Variants in BRD4 observed in about 807,000 individuals in gnomAD.
BRD4 encodes the protein bromodomain-containing protein 4.
In BRD4, 16 loss-of-function variants were observed where a neutral mutation model predicts 142.1. The ratio of observed to expected loss-of-function variants is 0.11; its 90% CI spans 0.08 to 0.17. The LOEUF (loss-of-function observed/expected upper bound fraction) is 0.17. Ranked by LOEUF, BRD4 falls within the 10% of genes least tolerant of loss-of-function variation. BRD4 has a pLI of 1.00. For missense variants in BRD4, 1,424 were observed against 1,810.9 expected, an observed-to-expected ratio of 0.79 and a Z score of 3.88; for synonymous variants, 833 against 707.5, an observed-to-expected ratio of 1.18 and a Z score of -2.82.
At chr19:15,255,143 C>T (rs969988792) in intron 10 of BRD4, among the ~76,000 whole-genome samples, 154 bp downstream of exon 10, 1 of 148,184 alleles carries the variant, frequency 6.7e-6, no homozygotes, top group Non-Finnish European at 1.5e-5. Context: ...TGCAATGTCA[C>T]AACCTTTCGG....
At chr19:15,283,975 G>A (rs768259870) in intron 1 of BRD4, among the ~76,000 whole-genome samples, 7 of 152,134 alleles carry the variant, frequency 4.6e-5, no homozygotes, top group Non-Finnish European at 8.8e-5. Flanking sequence ...ATGGGCACGA[G>A]GAGAGATGGA....
At chr19:15,278,541 G>A (rs904314121) in intron 1 of BRD4, among the ~76,000 whole-genome samples, 3 of 33,350 alleles carry the variant, frequency 9.0e-5, no homozygotes, top group Non-Finnish European at 1.6e-4. Flanking sequence ...CCCAACCCCC[G>A]CCAAAAAAAA....
Position 15,331,953 on chromosome 19 carries a change from CCCCCGACCGCCGG to C in BRD4, c.-35+324_-35+336del, listed in dbSNP as rs2048164771. On this transcript the variant is annotated intron_variant, in intron 1 of 19. Transcript: ENST00000679869. ...GGCGCCTCGGCCCGCCCCCCGCCCG[CCCCCGACCGCCGG>C]CCCCGCCGCGGCGCCCGCGCCCCCC... The C allele has an allele frequency of 2.1e-4, 29 of 139,842 alleles. No homozygotes were observed. The South Asian group carries it at 5.8e-3, about 28-fold the overall frequency. The allele number at this position is 139,842 out of a possible 1,614,324, so 8.7% of individuals were successfully genotyped here.
intron 1 of BRD4, among the ~76,000 whole-genome samples, chr19:15,330,995 A>C (rs2048151960): frequency 6.6e-6 from 1 of 152,164 alleles, no homozygotes; most frequent in Non-Finnish European, 1.5e-5. Flanking sequence ...GGAACCACGG[A>C]CTGGTAGAGC....
intron 1 of BRD4, among the ~76,000 whole-genome samples, chr19:15,277,619 CAAAAAA>C (rs67961221): frequency 1.0e-4 from 10 of 96,024 alleles, no homozygotes; most frequent in African/African-American, 2.9e-4. Context: ...CTATCTCTAC[CAAAAAA>C]AAAAAAAAAA....
chr19:15,254,676 G>A (rs1216747126), intron 10 of BRD4, among the ~76,000 whole-genome samples: 3 of 151,952 alleles, frequency 2.0e-5, no homozygotes, highest in Admixed American at 2.0e-4. Flanking sequence ...GACCCCCGGG[G>A]GTCTCTCAGC....
At chr19:15,280,350 G>A (rs1250090006) in intron 1 of BRD4, 69 of 1,015,064 alleles carry the variant, frequency 6.8e-5, no homozygotes, top group Non-Finnish European at 8.1e-5. Flanking sequence ...ACACTTTGCT[G>A]TACCCATCAG....
At chr19:15,288,884 C>A (rs1221860503) in intron 1 of BRD4, among the ~76,000 whole-genome samples, 1 of 152,186 alleles carries the variant, frequency 6.6e-6, no homozygotes, top group Non-Finnish European at 1.5e-5. Context: ...GAGGAGCAGG[C>A]ACCGACTCCT....
At chr19:15,262,704 C>T (rs2047486312) in intron 7 of BRD4, among the ~76,000 whole-genome samples, 1 of 151,756 alleles carries the variant, frequency 6.6e-6, no homozygotes, top group African/African-American at 2.4e-5. Context: ...GCCTGGGTGA[C>T]AGAACGAGAC....
intron 14 of BRD4, among the ~76,000 whole-genome samples, chr19:15,241,539 C>T (rs2047237781): frequency 6.6e-6 from 1 of 152,236 alleles, no homozygotes; most frequent in African/African-American, 2.4e-5. Context: ...TCCTAGCCTG[C>T]TGGGGCTTGG....
chr19:15,326,215 C>G (rs1175462616), intron 1 of BRD4, among the ~76,000 whole-genome samples: 1 of 146,714 alleles, frequency 6.8e-6, no homozygotes, highest in Non-Finnish European at 1.5e-5. Context: ...CTAATCCCAG[C>G]ACTTTGGGAC....
At chr19:15,301,451 CTCAGGAGGCTGAA>C in intron 1 of BRD4, among the ~76,000 whole-genome samples, 1 of 152,134 alleles carries the variant, frequency 6.6e-6, no homozygotes, top group East Asian at 1.9e-4. Flanking sequence ...ATCCCAGGTA[CTCAGGAGGCTGAA>C]GCAGGAGAAT....
At chr19:15,257,559 C>T (rs773942007) in intron 7 of BRD4, among the ~76,000 whole-genome samples, 5 of 152,072 alleles carry the variant, frequency 3.3e-5, no homozygotes, top group Admixed American at 6.5e-5. Context: ...CCACCAGATG[C>T]GTGCGGGGGA....
rs1195143294 is a variant in BRD4, at chr19:15,235,920, C to G, written c.*2457G>C. Reference sequence around the variant, plus strand: ...ATCCAGCTCAGCAGTTGGACCCAGGCTGGGGAAGTGTCTGAACAAAACAAG... The same window carrying G: ...ATCCAGCTCAGCAGTTGGACCCAGGGTGGGGAAGTGTCTGAACAAAACAAG... On this transcript the variant is annotated 3_prime_UTR_variant, in exon 20 of 20. Coordinates refer to ENST00000679869, the MANE Select transcript of BRD4 (RefSeq NM_001379291.1). 6.6e-6 allele frequency: 1 copy of G among 152,208 alleles called. No homozygotes were observed. Among genetic ancestry groups the G allele is most frequent in the African/African-American group, 2.4e-5 (1 of 41,458 alleles). 9.4% of individuals were successfully genotyped at this position (152,208 alleles called of 1,614,324 possible).
intron 1 of BRD4, among the ~76,000 whole-genome samples, chr19:15,289,790 T>G (rs2047767940): frequency 6.6e-6 from 1 of 151,980 alleles, no homozygotes; most frequent in Admixed American, 6.5e-5. Context: ...AGAAGTGTGC[T>G]TGTAAGGACA....
At chr19:15,265,262 G>A (rs1360525077) in intron 5 of BRD4, 92 bp downstream of exon 5, 14 of 1,257,156 alleles carry the variant, frequency 1.1e-5, no homozygotes, top group African/African-American at 4.6e-5. Context: ...ACCAGTGCCC[G>A]GGACCCAGGA....
At position 15,254,134 on chromosome 19, in the gene BRD4, G is replaced by T; in HGVS notation, c.2158+18C>A. ...TGGGAAGAGTTTGGTAAGACACGTA[G>T]AACACAAGTCACCTAACCTGTTTCG... is the stretch of plus-strand genomic sequence containing the variant. On this transcript the variant is annotated intron_variant, in intron 11 of 19. Transcript: ENST00000679869. The T allele has an allele frequency of 6.2e-7, 1 of 1,601,434 alleles. No homozygotes were observed. Among genetic ancestry groups the T allele is most frequent in the Non-Finnish European group, 8.6e-7 (1 of 1,168,536 alleles).
rs139141985 is a variant in BRD4 at position 15,267,623 on chromosome 19, GCCAC to G, written c.424-76_424-73del. ...CACCTCTGTAGACAGGGCACCCCAT[GCCAC>G]CCACCCCCTGCCCCCAAAACATGAA... On this transcript the variant is annotated intron_variant, in intron 3 of 19. Coordinates refer to ENST00000679869, the MANE Select transcript of BRD4 (RefSeq NM_001379291.1). The G allele has an allele frequency of 0.18, 267,702 of 1,524,620 alleles. 24,767 individuals carry two copies. The highest frequency in any genetic ancestry group is 0.25 in the African/African-American group (17,436 of 70,486). 94.4% of individuals were successfully genotyped at this position (1,524,620 alleles called of 1,614,324 possible). A position where few individuals can be genotyped will look rare whatever the true frequency, so the allele number is the denominator to read the frequency against.
Position 15,273,021 on chromosome 19 carries a change from A to C in BRD4, c.79T>G (p.Ser27Ala), listed in dbSNP as rs2047606407. The C allele has an allele frequency of 1.2e-6, 2 of 1,613,718 alleles. No homozygotes were observed. Among genetic ancestry groups the C allele is most frequent in the South Asian group, 1.1e-5 (1 of 91,060 alleles). Residue 27 changes from serine to alanine, a missense_variant, in exon 2 of 20, where the codon TCT (serine) becomes GCT (alanine). By Grantham distance (99) the Ser-to-Ala change is moderately conservative (BLOSUM62 1). Transcript: ENST00000679869. ...MGDGLETSQMSTTQAQAQPQP... is the reference protein window; with the variant it reads ...MGDGLETSQMATTQAQAQPQP... Reference sequence around the variant, plus strand: ...GGTTGGGCCTGGGCCTGTGTTGTAGACATTTGGGAAGTTTCTAGTCCATCC... The same window carrying C: ...GGTTGGGCCTGGGCCTGTGTTGTAGCCATTTGGGAAGTTTCTAGTCCATCC...
Sources: allele counts gnomAD v4.1 joint callset (sites outside exome capture counted in the v4.1 genomes callset), GRCh38; gene constraint gnomAD v4.1.1; transcripts MANE v1.5; gene names NCBI Gene and HGNC (gene_info 2026-07-23, HGNC 2026-07-21).